CEP128: variants seen among roughly 807,000 people sequenced by gnomAD.
The protein encoded by CEP128 is centrosomal protein 128kDa.
In CEP128, 132 loss-of-function variants were observed where a neutral mutation model predicts 156.7. The observed-to-expected ratio is 0.84, with a 90% CI of 0.73 to 0.97. CEP128 has a LOEUF of 0.97. Among genes scored for constraint, CEP128 ranks in the 50% least tolerant of loss-of-function variants. The pLI is 0.00. For synonymous variants in CEP128, 469 were observed against 448.9 expected (o/e 1.04, Z -0.57); for missense variants, 1,252 against 1,281.9 (o/e 0.98, Z 0.36).
downstream of CEP128, among the ~76,000 whole-genome samples, chr14:80,489,463 C>A (rs142877226): frequency 1.7e-4 from 20 of 115,516 alleles, no homozygotes; most frequent in African/African-American, 4.8e-4. Context: ...ATTATAATTT[C>A]TTTTTTCCTG....
intron 19 of CEP128, among the ~76,000 whole-genome samples, chr14:80,674,598 A>G (rs1225831040): frequency 6.6e-6 from 1 of 152,138 alleles, no homozygotes. Context: ...CTAAAGTCTT[A>G]AATGAAGAAA....
rs192914888 is a variant in CEP128 at position 80,885,203 on chromosome 14, A to G, written c.645+10515T>C. Among the ~76,000 whole-genome samples the G allele has an allele frequency of 1.4e-3, 217 of 152,318 alleles. 1 individual carries two copies. Among genetic ancestry groups the G allele is most frequent in the African/African-American group, 5.1e-3 (211 of 41,582 alleles). On this transcript the variant is annotated intron_variant, in intron 8 of 24. Transcript: ENST00000555265. ...AAGGGGTGGCTGTGGGCACAGCTTCAGCAGACTTAAACGTTCCTGCCTGCT... is the reference window on the plus strand; with the variant it reads ...AAGGGGTGGCTGTGGGCACAGCTTCGGCAGACTTAAACGTTCCTGCCTGCT...
chr14:80,797,751 C>T lies in CEP128; in HGVS notation c.1210-4641G>A, dbSNP rs181332940. Among the ~76,000 whole-genome samples, 7 of 152,230 alleles carry T rather than the reference C, an allele frequency of 4.6e-5. No individual in the cohort carries two copies. The East Asian group carries it at 1.3e-3, about 29-fold the overall frequency. ...TACATATGAACATATACATAGAGCA[C>T]ATAAGTGTACAAACACATAATAAAT... On this transcript the variant is annotated intron_variant, in intron 13 of 24. Coordinates refer to ENST00000555265, the MANE Select transcript of CEP128 (RefSeq NM_152446.5).
At chr14:80,634,453 A>G (rs994785082) in intron 19 of CEP128, among the ~76,000 whole-genome samples, 1 of 151,660 alleles carries the variant, frequency 6.6e-6, no homozygotes, top group Non-Finnish European at 1.5e-5. Context: ...ATCAATATAG[A>G]TGTTTATTGG....
At chr14:80,562,269 G>T (rs1890717298) in intron 20 of CEP128, among the ~76,000 whole-genome samples, 1 of 152,056 alleles carries the variant, frequency 6.6e-6, no homozygotes, top group African/African-American at 2.4e-5. Context: ...ATGGTACTGA[G>T]ACAGCTTTCA....
At position 80,678,045 on chromosome 14, in the gene CEP128, A is replaced by ATATATATATAT. The variant is rs1555390192; in HGVS notation, c.2806+65029_2806+65030insATATATATATA. Among the ~76,000 whole-genome samples, 149 of 30,662 alleles carry ATATATATATAT rather than the reference A, an allele frequency of 4.9e-3. 3 individuals carry two copies. Among genetic ancestry groups the ATATATATATAT allele is most frequent in the East Asian group, 0.017 (8 of 460 alleles). 20.1% of individuals were successfully genotyped at this position (30,662 alleles called of 152,430 possible). ...CAACATGGACAGTTGCTCTATAAAA[A>ATATATATATAT]AAAAATATATATATATATGTATATA... On this transcript the variant is annotated intron_variant, in intron 19 of 24. Transcript: ENST00000555265.
Position 80,904,836 on chromosome 14 carries a change from G to C in CEP128, c.457C>G (p.Gln153Glu). 6.2e-7 allele frequency: 1 copy of C among 1,600,290 alleles called. No individual in the cohort carries two copies. The highest frequency in any genetic ancestry group is 8.6e-7 in the Non-Finnish European group (1 of 1,167,496). ...MRSRTGVRFV[Q>E]ETDDMTQLHG... Reference sequence around the variant, plus strand: ...ACCTGAGTCATATCATCAGTCTCTTGAACAAACCGGACACCAGTTCTTGAT... The same window carrying C: ...ACCTGAGTCATATCATCAGTCTCTTCAACAAACCGGACACCAGTTCTTGAT... Residue 153 changes from glutamine (Q) to glutamate (E), a missense_variant, in exon 6 of 25, where the codon CAA (glutamine) becomes GAA (glutamate). Physicochemically the swap from Gln to Glu is conservative, Grantham distance 29. Transcript: ENST00000555265.
intron 19 of CEP128, among the ~76,000 whole-genome samples, chr14:80,672,508 A>G (rs777866167): frequency 1.3e-4 from 20 of 152,178 alleles, no homozygotes; most frequent in Non-Finnish European, 2.2e-4. Context: ...TTCAGTTACA[A>G]TGTGCATGTG....
At chr14:80,562,939 C>T (rs1213438314) in intron 20 of CEP128, among the ~76,000 whole-genome samples, 2 of 151,992 alleles carry the variant, frequency 1.3e-5, no homozygotes, top group East Asian at 1.9e-4. Flanking sequence ...GCTGGGATTA[C>T]AGGCATGAAC....
At chr14:80,657,190 A>G (rs1239266375) in intron 19 of CEP128, among the ~76,000 whole-genome samples, 1 of 151,872 alleles carries the variant, frequency 6.6e-6, no homozygotes, top group Non-Finnish European at 1.5e-5. Flanking sequence ...TGGGGAGGCA[A>G]AAGTTGCAGT....
At chr14:80,955,190 GA>G (rs1406920931) in intron 2 of CEP128, 1 of 238,688 alleles carries the variant, frequency 4.2e-6, no homozygotes, top group African/African-American at 2.2e-5. Context: ...ACTCCGCGGG[GA>G]CTTTCTCTGG....
At chr14:80,644,230 A>G (rs1323146581) in intron 19 of CEP128, among the ~76,000 whole-genome samples, 1 of 152,190 alleles carries the variant, frequency 6.6e-6, no homozygotes, top group South Asian at 2.1e-4. Context: ...GTGAGAGAAT[A>G]AATTTCTGTT....
intron 21 of CEP128, among the ~76,000 whole-genome samples, chr14:80,548,427 A>G (rs1481557002): frequency 6.6e-6 from 1 of 152,140 alleles, no homozygotes; most frequent in East Asian, 1.9e-4. Flanking sequence ...TCCCCCCACT[A>G]TATATTGTGA....
At chr14:80,617,853 G>T (rs1893292640) in intron 19 of CEP128, among the ~76,000 whole-genome samples, 1 of 152,212 alleles carries the variant, frequency 6.6e-6, no homozygotes, top group Non-Finnish European at 1.5e-5. Context: ...TTTTCTAAAA[G>T]TAAGCATGTA....
intron 19 of CEP128, among the ~76,000 whole-genome samples, chr14:80,592,683 G>A (rs947588615): frequency 5.3e-5 from 8 of 151,990 alleles, no homozygotes; most frequent in Non-Finnish European, 7.4e-5. Flanking sequence ...AAAACCAGGC[G>A]GAGACACAAC....
intron 7 of CEP128, 25 bp from the exon 8 acceptor site, chr14:80,895,815 T>G: frequency 1.2e-6 from 1 of 855,214 alleles, no homozygotes; most frequent in South Asian, 2.1e-5. Context: ...AAAAAAAAGA[T>G]TTAAATTTGG....
intron 9 of CEP128, among the ~76,000 whole-genome samples, chr14:80,854,114 TAGAGA>T (rs1887030968): frequency 6.6e-6 from 1 of 152,126 alleles, no homozygotes; most frequent in Non-Finnish European, 1.5e-5. Context: ...AATTCACTAT[TAGAGA>T]AAAGTGAATA....
At chr14:80,501,991 C>G (rs990934167) in intron 24 of CEP128, among the ~76,000 whole-genome samples, 6 of 152,150 alleles carry the variant, frequency 3.9e-5, no homozygotes, top group Non-Finnish European at 8.8e-5. Context: ...AAGTTACCAC[C>G]CTCATCCCAG....
At chr14:80,525,037 A>G (rs1345521652) in intron 23 of CEP128, among the ~76,000 whole-genome samples, 1 of 152,190 alleles carries the variant, frequency 6.6e-6, no homozygotes, top group African/African-American at 2.4e-5. Flanking sequence ...ATTGATTTAT[A>G]GCAATTTGGG....
Sources: allele counts gnomAD v4.1 joint callset (sites outside exome capture counted in the v4.1 genomes callset), GRCh38; gene constraint gnomAD v4.1.1; transcripts MANE v1.5; gene names NCBI Gene and HGNC (gene_info 2026-07-23, HGNC 2026-07-21).